The following RAB3GAP1 variants were observed in gnomAD, a reference collection of about 807,000 sequenced individuals.
RAB3GAP1 encodes the protein RAB3 GTPase activating protein catalytic subunit 1, also known as rab3 GTPase-activating protein catalytic subunit.
A neutral mutation model predicts 130.7 loss-of-function variants in RAB3GAP1; 86 were observed. The observed-to-expected ratio is 0.66, with a 90% CI of 0.55 to 0.79. RAB3GAP1 has a LOEUF of 0.79. Ranked by LOEUF, RAB3GAP1 falls within the 30% of genes least tolerant of loss-of-function variation. The pLI is 0.00. For synonymous variants in RAB3GAP1, 367 were observed against 401.7 expected, an observed-to-expected ratio of 0.91 and a Z score of 1.03; for missense variants, 1,029 against 1,169.4, an observed-to-expected ratio of 0.88 and a Z score of 1.75.
chr2:135,052,565 A>C, intron 2 of RAB3GAP1, 80 bp downstream of exon 2: 2 of 1,504,304 alleles, frequency 1.3e-6, no homozygotes, highest in South Asian at 1.1e-5. Flanking sequence ...CAGACACACC[A>C]CAAGTGACGC....
chr2:135,150,815 T>A (rs1692151537), intron 18 of RAB3GAP1, among the ~76,000 whole-genome samples: 1 of 152,034 alleles, frequency 6.6e-6, no homozygotes, highest in African/African-American at 2.4e-5. Context: ...TTTAGGAAAC[T>A]TAGGATTTAA....
At chr2:135,154,540 G>T (rs1200520087) in intron 19 of RAB3GAP1, among the ~76,000 whole-genome samples, 1 of 152,164 alleles carries the variant, frequency 6.6e-6, no homozygotes, top group Non-Finnish European at 1.5e-5. Context: ...CCAAATTCCA[G>T]TGGAGCTCCC....
chr2:135,076,972 T>A (rs1689649186), intron 3 of RAB3GAP1, among the ~76,000 whole-genome samples: 1 of 152,210 alleles, frequency 6.6e-6, no homozygotes, highest in African/African-American at 2.4e-5. Context: ...ATACCACATT[T>A]TAAAATCCAT....
chr2:135,073,355 T>A (rs1415159052), intron 3 of RAB3GAP1, among the ~76,000 whole-genome samples: 1 of 152,202 alleles, frequency 6.6e-6, no homozygotes, highest in East Asian at 1.9e-4. Flanking sequence ...ATTTGCATCC[T>A]CAGAGTTGCC....
chr2:135,117,826 T>G (rs920869252), intron 7 of RAB3GAP1, among the ~76,000 whole-genome samples: 1 of 150,282 alleles, frequency 6.7e-6, no homozygotes, highest in Non-Finnish European at 1.5e-5. Flanking sequence ...TTCTTTCTTC[T>G]TCTTCTTTCT....
chr2:135,169,023 TA>T lies in RAB3GAP1; in HGVS notation c.*243del. On this transcript the variant is annotated 3_prime_UTR_variant, in exon 24 of 24. Transcript: ENST00000264158. ...TTCTGCCCTAGAGATGGCCTTTGTA[TA>T]TGGGGGGGTGGTGGGGGGACACAAA... 4.4e-6 allele frequency: 1 copy of T among 229,102 alleles called. No homozygotes were observed. The highest frequency in any genetic ancestry group is 7.5e-6 in the Non-Finnish European group (1 of 132,906). The allele number at this position is 229,102 out of a possible 1,614,324, so 14.2% of individuals were successfully genotyped here. A position where few individuals can be genotyped will look rare whatever the true frequency, so the allele number is the denominator to read the frequency against.
At chr2:135,084,945 T>A (rs1689931878) in intron 3 of RAB3GAP1, among the ~76,000 whole-genome samples, 1 of 152,084 alleles carries the variant, frequency 6.6e-6, no homozygotes, top group African/African-American at 2.4e-5. Flanking sequence ...AATATTTAGG[T>A]TGAGTTTTGA....
In RAB3GAP1 at chr2:135,097,238, G is replaced by C. The variant is rs547978602; in HGVS notation, c.362+3545G>C. 6.2e-5 allele frequency among the ~76,000 whole-genome samples: 9 copies of C among 144,238 alleles called. No individual in the cohort carries two copies. In the Admixed American group the frequency reaches 6.3e-4, roughly 10 times the overall value. The allele number at this position is 144,238 out of a possible 152,430, so 94.6% of individuals were successfully genotyped here. A position where few individuals can be genotyped will look rare whatever the true frequency, so the allele number is the denominator to read the frequency against. ...CCACTTTTTTTTTTTTTTTTAAAGA[G>C]ACAGGTCTTACTCTGTCACCCAGGC... On this transcript the variant is annotated intron_variant, in intron 5 of 23. Coordinates refer to ENST00000264158, the MANE Select transcript of RAB3GAP1 (RefSeq NM_012233.3).
intron 5 of RAB3GAP1, among the ~76,000 whole-genome samples, chr2:135,101,989 T>A (rs1374709880): frequency 1.3e-5 from 2 of 152,208 alleles, no homozygotes; most frequent in Non-Finnish European, 2.9e-5. Flanking sequence ...GTAGGCAAGA[T>A]AATGAACCCT....
At chr2:135,144,757 T>C (rs1362156237) in intron 17 of RAB3GAP1, among the ~76,000 whole-genome samples, 1 of 152,344 alleles carries the variant, frequency 6.6e-6, no homozygotes, top group East Asian at 1.9e-4. Flanking sequence ...TGTTTCCTTG[T>C]TTTGGGGGAT....
At chr2:135,082,174 A>AATAC (rs2104860952) in intron 3 of RAB3GAP1, among the ~76,000 whole-genome samples, 1 of 152,250 alleles carries the variant, frequency 6.6e-6, no homozygotes, top group African/African-American at 2.4e-5. Flanking sequence ...TAAATAAATA[A>AATAC]AGATTTTAAT....
rs946854167 is a variant in RAB3GAP1 at position 135,170,183 on chromosome 2, C to T, written c.*1402C>T. The T allele has an allele frequency of 2.0e-5, 3 of 151,618 alleles. No homozygotes were observed. 9.4% of individuals were successfully genotyped at this position (151,618 alleles called of 1,614,324 possible). On this transcript the variant is annotated 3_prime_UTR_variant, in exon 24 of 24. Coordinates refer to ENST00000264158, the MANE Select transcript of RAB3GAP1 (RefSeq NM_012233.3). ...GTGCTGTACCAAGTAGAAGACGGTT[C>T]CTAAGGACAGAGTTTGTCTGTTTTC...
intron 2 of RAB3GAP1, among the ~76,000 whole-genome samples, chr2:135,055,202 T>G (rs56728846): frequency 6.6e-6 from 1 of 152,140 alleles, no homozygotes; most frequent in East Asian, 1.9e-4. Flanking sequence ...CCTGGTCTTA[T>G]AAGAGCCTAT....
At chr2:135,162,528 C>A in intron 19 of RAB3GAP1, 27 bp from the exon 20 acceptor site, 1 of 1,576,474 alleles carries the variant, frequency 6.3e-7, no homozygotes, top group South Asian at 1.1e-5. Flanking sequence ...CTGCGCTGAT[C>A]ATTTGTGTGC....
At chr2:135,151,361 T>C (rs1692169393) in intron 18 of RAB3GAP1, among the ~76,000 whole-genome samples, 1 of 152,212 alleles carries the variant, frequency 6.6e-6, no homozygotes, top group Non-Finnish European at 1.5e-5. Flanking sequence ...TCAGTCCTGC[T>C]TCTGTACTGT....
intron 17 of RAB3GAP1, among the ~76,000 whole-genome samples, chr2:135,142,942 A>C (rs1221280044): frequency 1.4e-5 from 2 of 145,710 alleles, no homozygotes; most frequent in African/African-American, 2.6e-5. Context: ...GACCTTTATT[A>C]TGTTGTCCTT....
chr2:135,078,374 A>G (rs932716170), intron 3 of RAB3GAP1, among the ~76,000 whole-genome samples: 4 of 152,112 alleles, frequency 2.6e-5, no homozygotes, highest in Admixed American at 2.0e-4. Context: ...ACAGTTAGAT[A>G]TTCTACTTAG....
chr2:135,175,353 C>G (rs1454596707), downstream of RAB3GAP1: 2 of 152,340 alleles, frequency 1.3e-5, no homozygotes, highest in East Asian at 3.9e-4. Flanking sequence ...TGGTAGACAA[C>G]TGCTCCCAGG....
chr2:135,103,035 A>ATTT (rs539310402), intron 5 of RAB3GAP1, among the ~76,000 whole-genome samples: 11 of 90,882 alleles, frequency 1.2e-4, no homozygotes, highest in East Asian at 3.8e-4. Flanking sequence ...CATTTTTGTG[A>ATTT]TTTTTTTTTT....
Sources: allele counts gnomAD v4.1 joint callset (sites outside exome capture counted in the v4.1 genomes callset), GRCh38; gene constraint gnomAD v4.1.1; transcripts MANE v1.5; gene names NCBI Gene and HGNC (gene_info 2026-07-23, HGNC 2026-07-21).